Variants in RPAP1 observed in about 807,000 individuals in gnomAD.
RPAP1 encodes RNA polymerase II associated protein 1.
Under a neutral mutation model 142.4 loss-of-function variants are expected in RPAP1, and 109 were observed. That is an observed-to-expected ratio of 0.77 (90% CI 0.66 to 0.90). RPAP1 has a LOEUF of 0.90. Among genes scored for constraint, RPAP1 ranks in the 40% least tolerant of loss-of-function variants. RPAP1 has a pLI of 0.00. For synonymous variants in RPAP1, 704 were observed against 738.9 expected (o/e 0.95, Z 0.77); for missense variants, 1,546 against 1,751.7 (o/e 0.88, Z 2.10).
In RPAP1 at chr15:41,517,187, T is replaced by TA. The variant is rs1216564960; in HGVS notation, c.*354dup. The TA allele has an allele frequency of 1.1e-4, 19 of 166,662 alleles. No individual in the cohort carries two copies. The highest frequency in any genetic ancestry group is 1.8e-4 in the Admixed American group (3 of 16,756). The allele number at this position is 166,662 out of a possible 1,614,324, so 10.3% of individuals were successfully genotyped here. A position where few individuals can be genotyped will look rare whatever the true frequency, so the allele number is the denominator to read the frequency against. The stretch of plus-strand genomic sequence containing the variant: ...CAGTCCAGATCAAATTTCCAGGAGA[T>TA]AAAAAACATTTATTTTAATGCACAA... On this transcript the variant is annotated 3_prime_UTR_variant, in exon 25 of 25. Transcript: ENST00000304330.
At position 41,534,707 on chromosome 15, in the gene RPAP1, C is replaced by T; in HGVS notation, c.763+7G>A. 1.2e-6 allele frequency: 2 copies of T among 1,612,034 alleles called. No homozygotes were observed. Among genetic ancestry groups the T allele is most frequent in the East Asian group, 2.2e-5 (1 of 44,870 alleles). On this transcript the variant is annotated splice_region_variant and intron_variant, in intron 6 of 24. Coordinates refer to ENST00000304330, the MANE Select transcript of RPAP1 (RefSeq NM_015540.4). ...CTGGTCTCAGCAGGAAAGCCAGGCA[C>T]CCATACCAAGCTGGGCCAGCAACCG...
At chr15:41,531,642 T>A (rs1363107762) in intron 6 of RPAP1, among the ~76,000 whole-genome samples, 15 of 115,776 alleles carry the variant, frequency 1.3e-4, no homozygotes, top group African/African-American at 2.4e-4. Flanking sequence ...TTTTTTTTTT[T>A]TTTTTTTTTT....
In RPAP1 at chr15:41,520,851, C is replaced by T. The variant is rs767925586; in HGVS notation, c.3335G>A (p.Arg1112Gln). ...GAGTCCCGAGGGGGTGTCTGAAGCC[C>T]GGTGGTAGAGGCGAATCAGTGGCAG... Reference protein sequence around the residue: ...PFLPLIRLYHRASDTPSGLSP... With the variant: ...PFLPLIRLYHQASDTPSGLSP... Residue 1112 changes from arginine to glutamine, a missense_variant, in exon 22 of 25, where the codon CGG becomes CAG. This residue lies in a region of RPAP1 where 1,333 missense variants were observed against 1,486.6 expected (regional missense o/e 0.90). Coordinates refer to ENST00000304330, the MANE Select transcript of RPAP1 (RefSeq NM_015540.4). 11 of 1,613,700 alleles carry T rather than the reference C, an allele frequency of 6.8e-6. No homozygotes were observed. The highest frequency in any genetic ancestry group is 1.3e-5 in the African/African-American group (1 of 74,926).
chr15:41,521,840 T>A lies in RPAP1; in HGVS notation c.2936A>T (p.Tyr979Phe). Residue 979 changes from tyrosine (Y) to phenylalanine (F), a missense_variant, in exon 21 of 25, where the codon TAT (tyrosine) becomes TTT (phenylalanine). Coordinates refer to ENST00000304330, the MANE Select transcript of RPAP1 (RefSeq NM_015540.4). ...QPLPATHAAL[Y>F]HGMALALLSR... ...CAGCAGGGCCAAGGCCATACCATGATAGAGGGCAGCATGGGTGGCTGGCAG... is the reference window on the plus strand; with the variant it reads ...CAGCAGGGCCAAGGCCATACCATGAAAGAGGGCAGCATGGGTGGCTGGCAG... 1.9e-6 allele frequency: 3 copies of A among 1,614,058 alleles called. No homozygotes were observed. The highest frequency in any genetic ancestry group is 2.5e-6 in the Non-Finnish European group (3 of 1,180,002).
At chr15:41,536,063 G>C in intron 4 of RPAP1, 66 bp downstream of exon 4, 1 of 1,187,438 alleles carries the variant, frequency 8.4e-7, no homozygotes, top group Non-Finnish European at 1.2e-6. Flanking sequence ...TACCTGCCTG[G>C]AGAAGATGCA....
intron 6 of RPAP1, among the ~76,000 whole-genome samples, chr15:41,531,614 T>TAC (rs2051848787): frequency 7.2e-5 from 2 of 27,604 alleles, no homozygotes; most frequent in African/African-American, 3.1e-4. Flanking sequence ...TATATATATA[T>TAC]ATATATATAT....
chr15:41,532,363 G>A (rs1473697956), intron 6 of RPAP1, among the ~76,000 whole-genome samples: 1 of 151,852 alleles, frequency 6.6e-6, no homozygotes, highest in African/African-American at 2.4e-5. Context: ...GGGGTCTCAT[G>A]ATGTTCCTCA....
At position 41,536,511 on chromosome 15, in the gene RPAP1, G is replaced by C. The variant is rs1182799501; in HGVS notation, c.320C>G (p.Thr107Ser). The change falls in exon 3 of 25, where the codon ACT (threonine) becomes AGT (serine). Residue 107 changes from threonine to serine, a missense_variant. By Grantham distance (58) the Thr-to-Ser change is moderately conservative. Coordinates refer to ENST00000304330, the MANE Select transcript of RPAP1 (RefSeq NM_015540.4). ...CAGAGTGAGACGCACAATAATCTTA[G>C]TCAAGACAGCAGTGATGTGCTGATC... is the stretch of plus-strand genomic sequence containing the variant. The part of the protein sequence containing the change: ...RHDQHITAVL[T>S]KIIERDTSSV... 2 of 1,614,118 alleles carry C rather than the reference G, an allele frequency of 1.2e-6. No homozygotes were observed. Among genetic ancestry groups the C allele is most frequent in the East Asian group, 4.5e-5 (2 of 44,880 alleles).
At position 41,529,436 on chromosome 15, in the gene RPAP1, G is replaced by T. The variant is rs760298358; in HGVS notation, c.1158+34C>A. 7 of 1,425,186 alleles carry T rather than the reference G, an allele frequency of 4.9e-6. No homozygotes were observed. The South Asian group carries it at 8.3e-5, about 17-fold the overall frequency. The allele number at this position is 1,425,186 out of a possible 1,614,324, so 88.3% of individuals were successfully genotyped here. A position where few individuals can be genotyped will look rare whatever the true frequency, so the allele number is the denominator to read the frequency against. ...ATCCTTTTCCATGGGGTTGTTAAAA[G>T]AGCTGCCCCATCCTCTCCAGTCCCA... On this transcript the variant is annotated intron_variant, in intron 9 of 24. Coordinates refer to ENST00000304330, the MANE Select transcript of RPAP1 (RefSeq NM_015540.4).
chr15:41,521,271 A>G, intron 21 of RPAP1, 124 bp from the exon 22 acceptor site: 1 of 943,696 alleles, frequency 1.1e-6, no homozygotes, highest in Non-Finnish European at 1.6e-6. Flanking sequence ...TCCCTTAACT[A>G]CTTCCCGCGC....
chr15:41,534,632 C>G lies in RPAP1; in HGVS notation c.763+82G>C. 5 of 908,024 alleles carry G rather than the reference C, an allele frequency of 5.5e-6. No homozygotes were observed. The South Asian group carries it at 7.0e-5, about 13-fold the overall frequency. 56.2% of individuals were successfully genotyped at this position (908,024 alleles called of 1,614,324 possible). A position where few individuals can be genotyped will look rare whatever the true frequency, so the allele number is the denominator to read the frequency against. ...AAGCATTAAAGTACTCAGCACAGTG[C>G]CCGGAACTCACAGTAAGCCTAGCTC... On this transcript the variant is annotated intron_variant, in intron 6 of 24. Transcript: ENST00000304330.
Position 41,521,029 on chromosome 15 carries a change from G to A in RPAP1, c.3157C>T (p.Pro1053Ser), listed in dbSNP as rs1416115286. 1.3e-6 allele frequency: 2 copies of A among 1,599,386 alleles called. No homozygotes were observed. The highest frequency in any genetic ancestry group is 1.1e-5 in the South Asian group (1 of 87,722). The change falls in exon 22 of 25, where the codon CCC becomes TCC. Residue 1053 changes from proline (P) to serine (S), a missense_variant. Physicochemically the swap from Pro to Ser is moderately conservative, Grantham distance 74. Transcript: ENST00000304330. ...TLLAQACQDL[P>S]SIRNCYLTHC... ...GTCAGGTAGCAGTTGCGGATGCTGG[G>A]GAGGTCCTGGCAGGCCTGAGCCAGC...
chr15:41,529,801 G>T, intron 8 of RPAP1, 63 bp downstream of exon 8: 1 of 1,235,400 alleles, frequency 8.1e-7, no homozygotes, highest in South Asian at 1.4e-5. Context: ...CTGAGGGCAA[G>T]AGCAGCAGCT....
chr15:41,527,457 G>A lies in RPAP1; in HGVS notation c.1577C>T (p.Pro526Leu), dbSNP rs199855799. The A allele has an allele frequency of 6.2e-7, 1 of 1,614,100 alleles. No homozygotes were observed. Among genetic ancestry groups the A allele is most frequent in the African/African-American group, 1.3e-5 (1 of 74,934 alleles). Residue 526 changes from proline to leucine, a missense_variant, in exon 12 of 25, where the codon CCT becomes CTT. This residue lies in a region of RPAP1 where 1,333 missense variants were observed against 1,486.6 expected (regional missense o/e 0.90). Transcript: ENST00000304330. ...ATCATGTCGGGCCAGGTCAGGTGGA[G>A]GCCGGCTTTCTTCTTCAGGGCTTTT... ...KRKSPEEESR[P>L]PPDLARHDVI...
chr15:41,520,222 C>T (rs930590151), intron 22 of RPAP1, 169 bp downstream of exon 22: 3 of 739,204 alleles, frequency 4.1e-6, no homozygotes, highest in Admixed American at 5.5e-5. Context: ...GCGTGAGCCA[C>T]CACACCCAGC....
rs763408181 is a variant in RPAP1 at position 41,522,854 on chromosome 15, C to T, written c.2653G>A (p.Ala885Thr). 2.5e-6 allele frequency: 4 copies of T among 1,582,206 alleles called. No homozygotes were observed. The Admixed American group carries it at 5.9e-5, about 23-fold the overall frequency. ...CSGGCPRLSL[A>T]GSASPFPFLT... is the part of the protein sequence containing the mutation. ...AATGGGAAGGGTGAGGCTGAGCCAG[C>T]CAGACTGAGACGGGGGCAGCCTCCC... The change falls in exon 19 of 25, where the codon GCT (alanine) becomes ACT (threonine). Residue 885 changes from alanine (A) to threonine (T), a missense_variant. By Grantham distance (58) the Ala-to-Thr change is moderately conservative. Around this residue, in one of 3 missense-constraint regions of RPAP1, gnomAD observed 1,333 missense variants for 1,486.6 expected, o/e 0.90. Transcript: ENST00000304330.
At chr15:41,522,022 G>T in intron 20 of RPAP1, 76 bp downstream of exon 20, 1 of 1,578,432 alleles carries the variant, frequency 6.3e-7, no homozygotes, top group Non-Finnish European at 8.7e-7. Flanking sequence ...TGGCCTGGCA[G>T]AAGCAGGCTG....
intron 15 of RPAP1, among the ~76,000 whole-genome samples, chr15:41,524,614 T>C (rs2051769665): frequency 6.6e-6 from 1 of 152,012 alleles, no homozygotes; most frequent in Non-Finnish European, 1.5e-5. Flanking sequence ...TAGTTGGGAT[T>C]ACAGGTGTGT....
At chr15:41,535,469 CTT>C in intron 5 of RPAP1, 41 bp downstream of exon 5, 2 of 1,556,080 alleles carry the variant, frequency 1.3e-6, no homozygotes, top group Non-Finnish European at 1.7e-6. Context: ...ATGATTGTGT[CTT>C]TTAAAAAGGC....
Sources: allele counts gnomAD v4.1 joint callset (sites outside exome capture counted in the v4.1 genomes callset), GRCh38; gene constraint gnomAD v4.1.1; regional missense constraint gnomAD v4.1.1; transcripts MANE v1.5; gene names NCBI Gene and HGNC (gene_info 2026-07-23, HGNC 2026-07-21).